Variants in SYN3 observed in about 807,000 individuals in gnomAD.
SYN3 encodes the protein synapsin III.
A neutral mutation model predicts 65.8 loss-of-function variants in SYN3; 35 were observed. That is an observed-to-expected ratio of 0.53 (90% CI 0.41 to 0.70). The LOEUF (loss-of-function observed/expected upper bound fraction) is 0.70. Ranked by LOEUF, SYN3 falls within the 30% of genes least tolerant of loss-of-function variation. The probability of loss-of-function intolerance (pLI) is 0.00; values close to 1 mark genes in which losing one functional copy is unlikely to be tolerated. For missense variants in SYN3, 680 were observed against 749.0 expected (o/e 0.91, Z 1.08); for synonymous variants, 270 against 292.9 (o/e 0.92, Z 0.80).
chr22:32,720,369 T>C (rs1371550577), intron 6 of SYN3, among the ~76,000 whole-genome samples: 2 of 152,326 alleles, frequency 1.3e-5, no homozygotes, highest in Non-Finnish European at 1.5e-5. Flanking sequence ...TTGACCCTCA[T>C]TACATGCCAT....
intron 2 of SYN3, among the ~76,000 whole-genome samples, chr22:32,990,521 C>T (rs1367572046): frequency 1.3e-5 from 2 of 152,148 alleles, no homozygotes; most frequent in African/African-American, 4.8e-5. Context: ...CATATCCATC[C>T]ATCTAGGACA....
At chr22:32,535,477 T>C (rs934638561) in intron 9 of SYN3, among the ~76,000 whole-genome samples, 3 of 152,186 alleles carry the variant, frequency 2.0e-5, no homozygotes, top group Non-Finnish European at 4.4e-5. Context: ...GGGACAACCT[T>C]GGGTCCTTGG....
At chr22:32,646,678 A>G (rs1263110528) in intron 6 of SYN3, among the ~76,000 whole-genome samples, 1 of 152,200 alleles carries the variant, frequency 6.6e-6, no homozygotes, top group Admixed American at 6.5e-5. Flanking sequence ...GCAAACTATG[A>G]GTAAGGGTTT....
intron 1 of SYN3, among the ~76,000 whole-genome samples, chr22:33,009,499 T>A (rs1439326723): frequency 6.6e-6 from 1 of 152,168 alleles, no homozygotes; most frequent in East Asian, 1.9e-4. Context: ...AGGAGTTCTT[T>A]ATACATTCTA....
chr22:32,533,379 C>T (rs1292429360), intron 10 of SYN3, among the ~76,000 whole-genome samples: 4 of 152,096 alleles, frequency 2.6e-5, no homozygotes, highest in Admixed American at 1.3e-4. Context: ...CCATGGGAGC[C>T]CCCTAAGGCC....
chr22:32,595,563 C>T (rs1289854250), intron 7 of SYN3, among the ~76,000 whole-genome samples: 1 of 152,170 alleles, frequency 6.6e-6, no homozygotes, highest in Non-Finnish European at 1.5e-5. Flanking sequence ...GGGGCTTCTT[C>T]CATGAAGCCA....
intron 6 of SYN3, among the ~76,000 whole-genome samples, chr22:32,807,415 CA>C (rs1426936746): frequency 6.8e-5 from 7 of 103,192 alleles, no homozygotes; most frequent in Non-Finnish European, 1.2e-4. Context: ...ATTATATTTA[CA>C]TATATATTAT....
intron 1 of SYN3, among the ~76,000 whole-genome samples, chr22:33,056,822 C>T (rs2054260877): frequency 6.6e-6 from 1 of 152,138 alleles, no homozygotes; most frequent in South Asian, 2.1e-4. Flanking sequence ...CTTTCTACTA[C>T]ACCAATCTAC....
At chr22:32,854,332 G>A (rs1456454858) in intron 6 of SYN3, among the ~76,000 whole-genome samples, 2 of 152,070 alleles carry the variant, frequency 1.3e-5, no homozygotes, top group Admixed American at 6.5e-5. Flanking sequence ...AAGTAGCTGC[G>A]GTGCCAAGCT....
chr22:32,835,353 TG>T (rs1008860799), intron 6 of SYN3, among the ~76,000 whole-genome samples: 7 of 152,112 alleles, frequency 4.6e-5, no homozygotes, highest in Admixed American at 3.3e-4. Context: ...AGTGAGTGTA[TG>T]GGGGCAGGGA....
At chr22:32,884,763 G>C (rs1476340211) in intron 4 of SYN3, among the ~76,000 whole-genome samples, 2 of 152,130 alleles carry the variant, frequency 1.3e-5, no homozygotes, top group East Asian at 3.8e-4. Flanking sequence ...TGTAATTTCA[G>C]CTACTCAAGA....
intron 6 of SYN3, among the ~76,000 whole-genome samples, chr22:32,685,912 A>G (rs1418985346): frequency 6.6e-6 from 1 of 152,210 alleles, no homozygotes; most frequent in Non-Finnish European, 1.5e-5. Context: ...TTATGTTTCC[A>G]AAGAATTTTT....
intron 1 of SYN3, among the ~76,000 whole-genome samples, chr22:33,056,730 G>C (rs929089880): frequency 2.0e-5 from 3 of 152,248 alleles, no homozygotes; most frequent in African/African-American, 7.2e-5. Flanking sequence ...ATCAGAAAAA[G>C]AAGGTTCATG....
At chr22:32,968,097 G>A (rs1345467221) in intron 3 of SYN3, among the ~76,000 whole-genome samples, 1 of 152,186 alleles carries the variant, frequency 6.6e-6, no homozygotes, top group Non-Finnish European at 1.5e-5. Context: ...GCAATGGCTC[G>A]CTTTCAAGAA....
intron 4 of SYN3, among the ~76,000 whole-genome samples, chr22:32,923,383 G>A (rs1482670653): frequency 2.0e-5 from 3 of 152,304 alleles, no homozygotes; most frequent in South Asian, 2.1e-4. Flanking sequence ...TGATTCCAAC[G>A]CTCTTCCAGA....
intron 6 of SYN3, among the ~76,000 whole-genome samples, chr22:32,643,613 A>G (rs2059938867): frequency 6.6e-6 from 1 of 151,198 alleles, no homozygotes; most frequent in Non-Finnish European, 1.5e-5. Flanking sequence ...AGAGGAGGGA[A>G]AAAAGAGTTA....
chr22:32,521,796 G>A (rs773222549), intron 12 of SYN3, among the ~76,000 whole-genome samples: 1 of 152,192 alleles, frequency 6.6e-6, no homozygotes, highest in East Asian at 1.9e-4. Context: ...TAAACCCACC[G>A]CAGTTCAAAT....
intron 10 of SYN3, 62 bp downstream of exon 10, chr22:32,533,731 C>A: frequency 1.7e-6 from 2 of 1,199,490 alleles, no homozygotes; most frequent in South Asian, 1.3e-5. Flanking sequence ...GCAGGGATTC[C>A]CTCCCCCTGG....
rs191491403 is a variant in SYN3, at chr22:33,039,664, C to T, written c.-163+18628G>A. Among the ~76,000 whole-genome samples, 826 of 152,202 alleles carry T rather than the reference C, an allele frequency of 5.4e-3. 4 individuals carry two copies. Among genetic ancestry groups the T allele is most frequent in the African/African-American group, 0.019 (793 of 41,526 alleles). ...CATGTGATCCGCCCACCTTGACCTC[C>T]CAAAATGCTGGGATTACGGGCGTGA... On this transcript the variant is annotated intron_variant, in intron 1 of 13. Transcript: ENST00000358763.
Sources: gnomAD v4.1 joint callset for allele counts (sites outside exome capture counted in the v4.1 genomes callset) on GRCh38, gnomAD v4.1.1 for gene constraint, MANE v1.5 for transcripts, NCBI Gene and HGNC (gene_info 2026-07-23, HGNC 2026-07-21) for gene names.